Variants in FAAH2 observed in about 807,000 individuals in gnomAD.
FAAH2 encodes fatty acid amide hydrolase 2.
In FAAH2, 60 loss-of-function variants were observed where a neutral mutation model predicts 36.9. The ratio of observed to expected loss-of-function variants is 1.63; its 90% CI spans 1.32 to 2.02. The LOEUF is 2.02. FAAH2 is among the 30% of genes most tolerant of loss of function. The pLI, the probability that FAAH2 is intolerant of heterozygous loss-of-function variation, is 0.00. For synonymous variants in FAAH2, 214 were observed against 143.8 expected (o/e 1.49, Z -3.49); for missense variants, 689 against 397.5 (o/e 1.73, Z -6.23).
At chrX:57,176,495 AT>A in the FAAH2 span, among the ~76,000 whole-genome samples, 1 of 80,304 alleles carries the variant, frequency 1.2e-5, no homozygotes, top group African/African-American at 9.3e-5. Context: ...TGTTTCAATA[AT>A]TTTTTTATGT....
rs190247590 is a variant in FAAH2, at chrX:57,475,958, G to T, written c.1424-12799G>T. On this transcript the variant is annotated intron_variant, in intron 10 of 10. Coordinates refer to ENST00000374900, the MANE Select transcript of FAAH2 (RefSeq NM_174912.4). Reference sequence around the variant, plus strand: ...GTATTTTATTCTCTTTGTAGCAATTGTGAATGGGAGTTCAATCATGATTTG... The same window carrying T: ...GTATTTTATTCTCTTTGTAGCAATTTTGAATGGGAGTTCAATCATGATTTG... 0.035 allele frequency among the ~76,000 whole-genome samples: 3,849 copies of T among 111,035 alleles called. 493 individuals are homozygous for T. The East Asian group carries it at 0.6, about 17-fold the overall frequency.
At chrX:57,481,866 C>T (rs989212438) in intron 10 of FAAH2, among the ~76,000 whole-genome samples, 2 of 112,054 alleles carry the variant, frequency 1.8e-5, no homozygotes. Flanking sequence ...GCTACCCCTT[C>T]CCCCAGATGC....
At chrX:57,381,100 A>G in intron 7 of FAAH2, 71 bp downstream of exon 7, 1 of 743,143 alleles carries the variant, frequency 1.3e-6, no homozygotes, top group Non-Finnish European at 2.0e-6. Context: ...CCTTTACTTC[A>G]CTTACTGCCA....
At chrX:57,388,867 T>G (rs1214332161) in intron 7 of FAAH2, among the ~76,000 whole-genome samples, 1 of 110,560 alleles carries the variant, frequency 9.0e-6, no homozygotes, top group Admixed American at 9.7e-5. Flanking sequence ...TATGTAACCG[T>G]TTTATACTTG....
the FAAH2 span, among the ~76,000 whole-genome samples, chrX:57,258,783 G>A: frequency 9.7e-6 from 1 of 103,281 alleles, no homozygotes; most frequent in South Asian, 4.5e-4. Context: ...ACCTAGGCTC[G>A]CTGCAAGCTC....
the FAAH2 span, among the ~76,000 whole-genome samples, chrX:57,144,719 T>C: frequency 9.0e-6 from 1 of 110,676 alleles, no homozygotes; most frequent in African/African-American, 3.3e-5. Context: ...ATCATTCTTC[T>C]GCCTTTATAT....
At chrX:57,368,896 T>G (rs766967140) in intron 5 of FAAH2, among the ~76,000 whole-genome samples, 2 of 110,519 alleles carry the variant, frequency 1.8e-5, no homozygotes, top group East Asian at 2.8e-4. Flanking sequence ...TTCTAATTTT[T>G]TTTAAAAAGT....
At chrX:57,470,739 T>G (rs1463124509) in intron 10 of FAAH2, among the ~76,000 whole-genome samples, 1 of 111,464 alleles carries the variant, frequency 9.0e-6, no homozygotes, top group Non-Finnish European at 1.9e-5. Flanking sequence ...CCTCCCTAAC[T>G]CATTTTATGA....
intron 7 of FAAH2, among the ~76,000 whole-genome samples, chrX:57,402,611 G>A (rs2055465846): frequency 8.9e-6 from 1 of 112,078 alleles, no homozygotes; most frequent in South Asian, 3.7e-4. Context: ...CTTCAATAGA[G>A]TCAGGTGACA....
the FAAH2 span, among the ~76,000 whole-genome samples, chrX:57,162,957 T>A: frequency 8.9e-6 from 1 of 112,396 alleles, no homozygotes; most frequent in African/African-American, 3.2e-5. Flanking sequence ...GAGTTTCCAG[T>A]TTTTCTGTTC....
At chrX:57,433,266 G>A (rs1380185634) in intron 8 of FAAH2, among the ~76,000 whole-genome samples, 1 of 110,504 alleles carries the variant, frequency 9.0e-6, no homozygotes, top group Non-Finnish European at 1.9e-5. Flanking sequence ...AAGAAAAAGA[G>A]GGGGGAAAAA....
intron 7 of FAAH2, among the ~76,000 whole-genome samples, chrX:57,408,281 C>A (rs1292998033): frequency 9.0e-6 from 1 of 110,888 alleles, no homozygotes; most frequent in African/African-American, 3.3e-5. Flanking sequence ...ATTTTCCAAT[C>A]TGTGAACATG....
chrX:57,245,254 A>T, the FAAH2 span, among the ~76,000 whole-genome samples: 4 of 111,643 alleles, frequency 3.6e-5, no homozygotes, highest in Admixed American at 9.5e-5. Flanking sequence ...ACCTACAAAG[A>T]AACTTAGACA....
intron 7 of FAAH2, among the ~76,000 whole-genome samples, chrX:57,416,592 T>A (rs1427104152): frequency 1.8e-5 from 2 of 111,661 alleles, no homozygotes; most frequent in Non-Finnish European, 3.8e-5. Context: ...TTCTGCAGAG[T>A]TCTGCAGTTT....
In FAAH2 at chrX:57,376,314, C is replaced by T. The variant is rs138092244; in HGVS notation, c.743-2337C>T. Among the ~76,000 whole-genome samples, 425 of 110,851 alleles carry T rather than the reference C, an allele frequency of 3.8e-3. 1 individual carries two copies. Among genetic ancestry groups the T allele is most frequent in the Non-Finnish European group, 6.5e-3 (346 of 52,909 alleles). ...GGTTTGTTACATAGGTGTATACGTG[C>T]CATGGTGGTTTGTTGCACCCATCAA... On this transcript the variant is annotated intron_variant, in intron 5 of 10. Coordinates refer to ENST00000374900, the MANE Select transcript of FAAH2 (RefSeq NM_174912.4).
chrX:57,441,738 G>T (rs1257450318), intron 8 of FAAH2, among the ~76,000 whole-genome samples: 1 of 110,872 alleles, frequency 9.0e-6, no homozygotes, highest in Non-Finnish European at 1.9e-5. Flanking sequence ...TTTCTCTTGT[G>T]GGCGTTTAGT....
At chrX:57,161,709 C>T in the FAAH2 span, among the ~76,000 whole-genome samples, 1 of 111,447 alleles carries the variant, frequency 9.0e-6, no homozygotes, top group African/African-American at 3.3e-5. Flanking sequence ...TTTCCATTTG[C>T]TTGGTAGATC....
chrX:57,353,466 A>T (rs764990804), intron 5 of FAAH2, among the ~76,000 whole-genome samples: 35 of 94,331 alleles, frequency 3.7e-4, no homozygotes, highest in African/African-American at 1.3e-3. Context: ...TTAAAAACCT[A>T]AACAGAAGAC....
chrX:57,452,141 T>G lies in FAAH2; in HGVS notation c.1423+3423T>G, dbSNP rs1035452007. 5 of 752,042 alleles carry G rather than the reference T, an allele frequency of 6.6e-6. No homozygotes were observed. The African/African-American group carries it at 1.2e-4, about 17-fold the overall frequency. The allele number at this position is 752,042 out of a possible 1,213,427, so 62.0% of individuals were successfully genotyped here. ...CTCTCCCCACTTTAGGTGTCTGTACTCAAAGATCTCTTGGACCATTTATAT... is the reference window on the plus strand; with the variant it reads ...CTCTCCCCACTTTAGGTGTCTGTACGCAAAGATCTCTTGGACCATTTATAT... On this transcript the variant is annotated intron_variant, in intron 10 of 10. Coordinates refer to ENST00000374900, the MANE Select transcript of FAAH2 (RefSeq NM_174912.4).
Sources: gnomAD v4.1 joint callset for allele counts (sites outside exome capture counted in the v4.1 genomes callset) on GRCh38, gnomAD v4.1.1 for gene constraint, MANE v1.5 for transcripts, NCBI Gene and HGNC (gene_info 2026-07-23, HGNC 2026-07-21) for gene names.